Variants in SV2B observed in about 807,000 individuals in gnomAD.
SV2B encodes the protein synaptic vesicle glycoprotein 2B.
In SV2B, 41 loss-of-function variants were observed where a neutral mutation model predicts 73.9. That is an observed-to-expected ratio of 0.56 (90% CI 0.43 to 0.72). SV2B has a LOEUF of 0.72. Among genes scored for constraint, SV2B ranks in the 30% least tolerant of loss-of-function variants. The pLI is 0.00. For missense variants in SV2B, 764 were observed against 857.8 expected, an observed-to-expected ratio of 0.89 and a Z score of 1.37; for synonymous variants, 314 against 314.2, an observed-to-expected ratio of 1.00 and a Z score of 0.01.
chr15:91,108,795 G>C (rs1314608677), intron 1 of SV2B, among the ~76,000 whole-genome samples: 1 of 152,158 alleles, frequency 6.6e-6, no homozygotes, highest in Admixed American at 6.5e-5. Context: ...CTCCCTTGCT[G>C]TCCTGACCTT....
chr15:91,216,630 G>A (rs145265070), intron 1 of SV2B, among the ~76,000 whole-genome samples: 2,789 of 151,606 alleles, frequency 0.018, 94 homozygotes, highest in African/African-American at 0.064. Context: ...GTGCCACCAC[G>A]CCCAGCTAAT....
intron 1 of SV2B, among the ~76,000 whole-genome samples, chr15:91,117,129 C>A (rs2042203313): frequency 6.6e-6 from 1 of 152,170 alleles, no homozygotes; most frequent in Non-Finnish European, 1.5e-5. Flanking sequence ...CTTAGAAGAG[C>A]ACAGAGCCAC....
intron 1 of SV2B, among the ~76,000 whole-genome samples, chr15:91,177,856 C>T (rs2044380128): frequency 6.9e-6 from 1 of 143,982 alleles, no homozygotes; most frequent in South Asian, 2.2e-4. Context: ...AATTTGACTT[C>T]CTCTTTTCCT....
upstream of SV2B, among the ~76,000 whole-genome samples, chr15:91,099,593 A>T (rs2041668090): frequency 6.6e-6 from 1 of 151,896 alleles, no homozygotes; most frequent in Non-Finnish European, 1.5e-5. Flanking sequence ...TCGTCAGTGG[A>T]GTTAGTGGGT....
At chr15:91,225,121 T>C (rs923509684) in intron 1 of SV2B, among the ~76,000 whole-genome samples, 3 of 152,190 alleles carry the variant, frequency 2.0e-5, no homozygotes, top group African/African-American at 7.2e-5. Context: ...AAATTGAGGC[T>C]TGGAAAGATG....
At position 91,128,808 on chromosome 15, in the gene SV2B, C is replaced by T. The variant is rs2042561753; in HGVS notation, c.-392+28445C>T. On this transcript the variant is annotated intron_variant, in intron 1 of 12. Coordinates refer to ENST00000394232, the MANE Select transcript of SV2B (RefSeq NM_001323032.3). The surrounding 1 kb of genome is among the most constrained non-coding windows in gnomAD (Gnocchi z 4.2). ...CCAGAGATGACCAGAGGAATCTAGA[C>T]AGGTAGGTCTTCTGGGTTTCCTCAC... 1 of 152,314 alleles carries T rather than the reference C, an allele frequency of 6.6e-6. No individual in the cohort carries two copies. The highest frequency in any genetic ancestry group is 2.1e-4 in the South Asian group (1 of 4,834). The allele number at this position is 152,314 out of a possible 1,614,324, so 9.4% of individuals were successfully genotyped here. A position where few individuals can be genotyped will look rare whatever the true frequency, so the allele number is the denominator to read the frequency against.
At position 91,214,140 on chromosome 15, in the gene SV2B, G is replaced by A. The variant is rs530947305; in HGVS notation, c.-391-11733G>A. ...GACTACTGGGAAGTGGACCGGTTCCGGATCTCTAGAGGAGGGAGCTGGCAT... is the reference window on the plus strand; with the variant it reads ...GACTACTGGGAAGTGGACCGGTTCCAGATCTCTAGAGGAGGGAGCTGGCAT... On this transcript the variant is annotated intron_variant, in intron 1 of 12. Transcript: ENST00000394232. This position sits in a 1 kb window ranked among gnomAD's most constrained non-coding sequence, Gnocchi z 4.7. Among the ~76,000 whole-genome samples, 6 of 152,304 alleles carry A rather than the reference G, an allele frequency of 3.9e-5. No homozygotes were observed. In the South Asian group the frequency reaches 6.2e-4, roughly 16 times the overall value.
intron 1 of SV2B, among the ~76,000 whole-genome samples, chr15:91,182,059 A>G (rs544141667): frequency 5.9e-5 from 9 of 152,304 alleles, no homozygotes; most frequent in Admixed American, 3.9e-4. Flanking sequence ...GTAAGATTGT[A>G]TAGAACCACA....
chr15:91,134,591 C>T (rs1011363610), intron 1 of SV2B, among the ~76,000 whole-genome samples: 2 of 152,138 alleles, frequency 1.3e-5, no homozygotes, highest in African/African-American at 4.8e-5. Flanking sequence ...AAGGTGGCCA[C>T]TCTGGAAAGA....
At position 91,301,939 on chromosome 15, in the gene SV2B, T is replaced by C. The variant is rs1292070686; in HGVS notation, c.*9387T>C. Reference sequence around the variant, plus strand: ...ACCTGTTTTCAGAGTCAGAGCCAAGTTCTGAATGCTCATCACCTGGCATAT... The same window carrying C: ...ACCTGTTTTCAGAGTCAGAGCCAAGCTCTGAATGCTCATCACCTGGCATAT... On this transcript the variant is annotated 3_prime_UTR_variant, in exon 13 of 13. Transcript: ENST00000394232. This position sits in a 1 kb window ranked among gnomAD's most constrained non-coding sequence, Gnocchi z 4.3. 6.6e-6 allele frequency among the ~76,000 whole-genome samples: 1 copy of C among 152,216 alleles called. No individual in the cohort carries two copies. The highest frequency in any genetic ancestry group is 1.5e-5 in the Non-Finnish European group (1 of 68,030).
chr15:91,112,406 C>T (rs2042062440), intron 1 of SV2B, among the ~76,000 whole-genome samples: 1 of 152,152 alleles, frequency 6.6e-6, no homozygotes, highest in South Asian at 2.1e-4. Flanking sequence ...TGGTCTTGGT[C>T]ACAGATCTCC....
At position 91,258,701 on chromosome 15, in the gene SV2B, T is replaced by A; in HGVS notation, c.918+147T>A. ...CTGGTCGGCTGACCTCACTCATCATTGAATCTGGCACCTGCCGGCTGTGAT... is the reference window on the plus strand; with the variant it reads ...CTGGTCGGCTGACCTCACTCATCATAGAATCTGGCACCTGCCGGCTGTGAT... On this transcript the variant is annotated intron_variant, in intron 5 of 12. Transcript: ENST00000394232. The surrounding 1 kb of genome is among the most constrained non-coding windows in gnomAD (Gnocchi z 4.7). 1 of 1,182,664 alleles carries A rather than the reference T, an allele frequency of 8.5e-7. No homozygotes were observed. The highest frequency in any genetic ancestry group is 1.2e-6 in the Non-Finnish European group (1 of 858,566). The allele number at this position is 1,182,664 out of a possible 1,614,324, so 73.3% of individuals were successfully genotyped here.
At chr15:91,125,927 G>T (rs1277348401) in intron 1 of SV2B, among the ~76,000 whole-genome samples, 1 of 152,114 alleles carries the variant, frequency 6.6e-6, no homozygotes, top group African/African-American at 2.4e-5. Context: ...TAACAATAAT[G>T]GTGGTGGTGA....
intron 1 of SV2B, among the ~76,000 whole-genome samples, chr15:91,201,339 A>G (rs1326548213): frequency 2.0e-5 from 3 of 152,164 alleles, no homozygotes; most frequent in Non-Finnish European, 4.4e-5. Context: ...TTTTACATGT[A>G]TTTACTCATT....
chr15:91,107,404 C>T (rs1188372424), intron 1 of SV2B, among the ~76,000 whole-genome samples: 1 of 151,826 alleles, frequency 6.6e-6, no homozygotes, highest in East Asian at 1.9e-4. Context: ...CCTCTGCCTC[C>T]CGGGTTCAAG....
chr15:91,249,068 T>TCACA (rs59552488), intron 2 of SV2B, among the ~76,000 whole-genome samples: 1,600 of 142,080 alleles, frequency 0.011, 34 homozygotes, highest in African/African-American at 0.038. Context: ...ATCTACGTTT[T>TCACA]CACACACACA....
At chr15:91,260,692 A>G (rs1195610519) in intron 6 of SV2B, among the ~76,000 whole-genome samples, 1 of 152,164 alleles carries the variant, frequency 6.6e-6, no homozygotes, top group Non-Finnish European at 1.5e-5. Flanking sequence ...CATGCTGCTG[A>G]TAAAGACATA....
chr15:91,211,477 CGCT>C (rs147025263), intron 1 of SV2B, among the ~76,000 whole-genome samples: 2,256 of 151,182 alleles, frequency 0.015, 53 homozygotes, highest in African/African-American at 0.053. Context: ...CCTCTTCCTC[CGCT>C]GCTGCTGCTG....
At chr15:91,151,569 G>A (rs895849696) in intron 1 of SV2B, among the ~76,000 whole-genome samples, 3 of 152,208 alleles carry the variant, frequency 2.0e-5, no homozygotes, top group African/African-American at 7.2e-5. Context: ...GGGAAAGATA[G>A]AATTATTCTA....
Sources: allele counts gnomAD v4.1 joint callset (sites outside exome capture counted in the v4.1 genomes callset), GRCh38; gene constraint gnomAD v4.1.1; non-coding constraint Gnocchi (gnomAD v3.1); transcripts MANE v1.5; gene names NCBI Gene and HGNC (gene_info 2026-07-23, HGNC 2026-07-21).